Variants in BDP1 observed in about 807,000 individuals in gnomAD.
The protein encoded by BDP1 is BDP1 general transcription factor IIIB subunit.
Under a neutral mutation model 266.6 loss-of-function variants are expected in BDP1, and 169 were observed. The ratio of observed to expected loss-of-function variants is 0.63; its 90% CI spans 0.56 to 0.72. The LOEUF is 0.72. BDP1 is among the 30% of genes least tolerant of loss of function. The pLI is 0.00. For synonymous variants in BDP1, 1,090 were observed against 1,022.4 expected (o/e 1.07, Z -1.26); for missense variants, 3,015 against 3,053.8 (o/e 0.99, Z 0.30).
chr5:71,509,298 A>AT lies in BDP1; in HGVS notation c.2373-159dup, dbSNP rs543915117. The stretch of plus-strand genomic sequence containing the variant: ...TATTGCTGTGATTTCAAAAGGTGGG[A>AT]TTTTTTTTCTTTTAATTTTTAAATT... On this transcript the variant is annotated intron_variant, in intron 16 of 38. Transcript: ENST00000358731. 5.9e-5 allele frequency among the ~76,000 whole-genome samples: 9 copies of AT among 151,668 alleles called. No homozygotes were observed. The South Asian group carries it at 6.3e-4, about 11-fold the overall frequency.
the BDP1 span, among the ~76,000 whole-genome samples, chr5:71,577,894 C>T: frequency 1.3e-5 from 2 of 152,266 alleles, no homozygotes; most frequent in African/African-American, 2.4e-5. Flanking sequence ...CATTCTTTCA[C>T]TTAATACATA....
At chr5:71,479,167 C>T (rs111509515) in intron 7 of BDP1, among the ~76,000 whole-genome samples, 100 of 151,990 alleles carry the variant, frequency 6.6e-4, no homozygotes, top group African/African-American at 1.7e-3. Flanking sequence ...CTCAGCCTCC[C>T]GAGTAGCTGG....
intron 12 of BDP1, among the ~76,000 whole-genome samples, chr5:71,496,262 G>T (rs1763886914): frequency 7.3e-6 from 1 of 136,120 alleles, no homozygotes; most frequent in African/African-American, 2.7e-5. Context: ...AAAAAAGAAA[G>T]CTATTCAGTT....
At chr5:71,480,829 G>T (rs1347611127) in intron 7 of BDP1, among the ~76,000 whole-genome samples, 1 of 152,176 alleles carries the variant, frequency 6.6e-6, no homozygotes, top group African/African-American at 2.4e-5. Context: ...CTCCCACAGT[G>T]CTAGGATTAT....
chr5:71,526,965 C>T (rs985615130), intron 25 of BDP1, among the ~76,000 whole-genome samples: 7 of 151,998 alleles, frequency 4.6e-5, no homozygotes, highest in African/African-American at 1.7e-4. Context: ...GGATTACAGG[C>T]GTGAGCCACC....
intron 32 of BDP1, chr5:71,545,556 C>G (rs1006499013): frequency 1.1e-5 from 3 of 266,138 alleles, no homozygotes; most frequent in African/African-American, 6.9e-5. Context: ...GTCTTGAACG[C>G]CTGGCTTCAA....
At chr5:71,507,993 T>G (rs1764674940) in intron 16 of BDP1, among the ~76,000 whole-genome samples, 1 of 152,098 alleles carries the variant, frequency 6.6e-6, no homozygotes, top group African/African-American at 2.4e-5. Context: ...TGAGACAGAG[T>G]CTTACTCTGT....
chr5:71,491,648 T>C (rs747270332), intron 11 of BDP1, among the ~76,000 whole-genome samples: 3 of 152,188 alleles, frequency 2.0e-5, no homozygotes, highest in Non-Finnish European at 2.9e-5. Context: ...CCTCTATACC[T>C]ATTGAACAGC....
chr5:71,497,512 C>T, intron 13 of BDP1, 86 bp downstream of exon 13: 1 of 1,008,314 alleles, frequency 9.9e-7, no homozygotes, highest in Non-Finnish European at 1.5e-6. Flanking sequence ...CTTGAAATTA[C>T]AAAGTACTGT....
Position 71,486,605 on chromosome 5 carries a change from C to G in BDP1, c.1191C>G (p.Thr397=), listed in dbSNP as rs763915357. ...ACAGTTTAAAGGAGAAGAAATCCAC[C>G]AAACCACGGAAAAATGTAAAAGGTA... ...KNHSLKEKKS[T]KPRKNVKVKK... Residue 397 remains threonine (T), a synonymous_variant, in exon 9 of 39, where the codon ACC becomes ACG. Transcript: ENST00000358731. 2.6e-5 allele frequency: 39 copies of G among 1,525,480 alleles called. No individual in the cohort carries two copies. In the Admixed American group the frequency reaches 1.0e-3, roughly 40 times the overall value. The allele number at this position is 1,525,480 out of a possible 1,614,324, so 94.5% of individuals were successfully genotyped here. A position where few individuals can be genotyped will look rare whatever the true frequency, so the allele number is the denominator to read the frequency against.
chr5:71,512,989 G>A (rs928089272), intron 18 of BDP1, among the ~76,000 whole-genome samples, 196 bp from the exon 19 acceptor site: 5 of 150,824 alleles, frequency 3.3e-5, no homozygotes, highest in Admixed American at 2.0e-4. Context: ...TTGAGCCCGC[G>A]GAGGTCAAGG....
chr5:71,574,100 T>C, the BDP1 span, among the ~76,000 whole-genome samples: 1 of 152,184 alleles, frequency 6.6e-6, no homozygotes, highest in East Asian at 1.9e-4. Context: ...CGATCTACAA[T>C]GTCAGTGCAA....
chr5:71,560,505 T>C (rs1264408714), intron 37 of BDP1, among the ~76,000 whole-genome samples: 1 of 152,252 alleles, frequency 6.6e-6, no homozygotes, highest in Non-Finnish European at 1.5e-5. Flanking sequence ...TCCATGGTTA[T>C]TTTGATCATT....
At chr5:71,546,150 G>A (rs1319808569) in intron 32 of BDP1, among the ~76,000 whole-genome samples, 8 of 152,060 alleles carry the variant, frequency 5.3e-5, no homozygotes, top group Admixed American at 3.9e-4. Flanking sequence ...TTAAAGTTAC[G>A]AGATTCCTTA....
chr5:71,515,862 GT>G (rs1765187438), intron 20 of BDP1, among the ~76,000 whole-genome samples, 198 bp from the exon 21 acceptor site: 1 of 152,062 alleles, frequency 6.6e-6, no homozygotes, highest in African/African-American at 2.4e-5. Context: ...TATTATATAA[GT>G]TTATTACCTT....
chr5:71,553,260 T>A lies in BDP1; in HGVS notation c.7140T>A (p.Ile2380=). 1.2e-6 allele frequency: 2 copies of A among 1,613,150 alleles called. No homozygotes were observed. The highest frequency in any genetic ancestry group is 1.7e-6 in the Non-Finnish European group (2 of 1,179,912). The change falls in exon 35 of 39, where the codon ATT becomes ATA. Residue 2380 remains isoleucine (I), a synonymous_variant. Transcript: ENST00000358731. ...FQCRLDKNDH[I]PPAKKRSLTL... ...GCAGGCTTGATAAAAATGACCACAT[T>A]CCTCCTGCCAAAAAACGTTCACTCA...
chr5:71,486,375 C>T, intron 8 of BDP1, 109 bp from the exon 9 acceptor site: 2 of 881,228 alleles, frequency 2.3e-6, no homozygotes, highest in Non-Finnish European at 1.7e-6. Context: ...TTTTTCTGTT[C>T]TCCTACTGAT....
rs529958885 is a variant in BDP1 at position 71,510,508 on chromosome 5, A to T, written c.3416A>T (p.Glu1139Val). Reference protein sequence around the residue: ...EKTPEVIDATEEIDKDLEETG... With the variant: ...EKTPEVIDATVEIDKDLEETG... ...ACACCAGAGGTGATTGATGCCACTG[A>T]GGAAATAGACAAAGATCTGGAAGAA... The change falls in exon 17 of 39, where the codon GAG becomes GTG. Residue 1139 changes from glutamate (E) to valine (V), a missense_variant. Around this residue, in one of 3 missense-constraint regions of BDP1, gnomAD observed 2,383 missense variants for 2,404.9 expected, o/e 0.99. Transcript: ENST00000358731. The T allele has an allele frequency of 5.6e-6, 9 of 1,613,986 alleles. No individual in the cohort carries two copies. In the Admixed American group the frequency reaches 1.2e-4, roughly 21 times the overall value.
intron 16 of BDP1, among the ~76,000 whole-genome samples, chr5:71,506,298 A>T (rs1251542189): frequency 6.6e-6 from 1 of 152,160 alleles, no homozygotes; most frequent in African/African-American, 2.4e-5. Context: ...TTGCTTTGTC[A>T]TGTGACCTTT....
Sources: allele counts gnomAD v4.1 joint callset (sites outside exome capture counted in the v4.1 genomes callset), GRCh38; gene constraint gnomAD v4.1.1; regional missense constraint gnomAD v4.1.1; transcripts MANE v1.5; gene names NCBI Gene and HGNC (gene_info 2026-07-23, HGNC 2026-07-21).